The following CLEC16A variants were observed in gnomAD, a reference collection of about 807,000 sequenced individuals.
CLEC16A encodes the protein C-type lectin domain containing 16A, also known as protein CLEC16A.
In CLEC16A, 51 loss-of-function variants were observed where a neutral mutation model predicts 109.5. That is an observed-to-expected ratio of 0.47 (90% confidence interval 0.37 to 0.59). CLEC16A has a LOEUF of 0.59. Among genes scored for constraint, CLEC16A ranks in the 20% least tolerant of loss-of-function variants. The probability of loss-of-function intolerance (pLI) is 0.00; values close to 1 mark genes in which losing one functional copy is unlikely to be tolerated. For missense variants in CLEC16A, 1,339 were observed against 1,394.0 expected, an observed-to-expected ratio of 0.96 and a Z score of 0.63; for synonymous variants, 673 against 564.2, an observed-to-expected ratio of 1.19 and a Z score of -2.73.
chr16:11,165,474 A>G (rs1010780518), intron 22 of CLEC16A, among the ~76,000 whole-genome samples: 6 of 152,202 alleles, frequency 3.9e-5, no homozygotes, highest in Non-Finnish European at 7.3e-5. Context: ...GCTGGGCAAC[A>G]GAGTGAAACC....
At chr16:10,969,118 C>T in intron 3 of CLEC16A, 43 bp from the exon 4 acceptor site, 1 of 1,548,484 alleles carries the variant, frequency 6.5e-7, no homozygotes, top group South Asian at 1.1e-5. Context: ...GCTTATCTTT[C>T]CTCCAGCATG....
At chr16:10,965,476 A>G (rs2042456488) in intron 3 of CLEC16A, among the ~76,000 whole-genome samples, 1 of 152,134 alleles carries the variant, frequency 6.6e-6, no homozygotes, top group Non-Finnish European at 1.5e-5. Flanking sequence ...TCTTTTTCCC[A>G]CCTTCCCAGT....
At chr16:11,136,644 T>G (rs1171963528) in intron 22 of CLEC16A, among the ~76,000 whole-genome samples, 1 of 152,260 alleles carries the variant, frequency 6.6e-6, no homozygotes, top group African/African-American at 2.4e-5. Flanking sequence ...ACAAAGACTT[T>G]CCCTGGGCGT....
chr16:11,120,598 C>A lies in CLEC16A; in HGVS notation c.2117-17C>A. ...GCCAGACTGTGCCTCATTCTCTTCTCACCTTCCTCCTCCCAGATAACAGCG... is the reference window on the plus strand; with the variant it reads ...GCCAGACTGTGCCTCATTCTCTTCTAACCTTCCTCCTCCCAGATAACAGCG... On this transcript the variant is annotated splice_polypyrimidine_tract_variant and intron_variant, in intron 19 of 23. Coordinates refer to ENST00000409790, the MANE Select transcript of CLEC16A (RefSeq NM_015226.3). 6.2e-7 allele frequency: 1 copy of A among 1,600,522 alleles called. No individual in the cohort carries two copies. The highest frequency in any genetic ancestry group is 1.7e-5 in the Admixed American group (1 of 59,206).
At chr16:11,176,707 C>G (rs753801003) in intron 23 of CLEC16A, among the ~76,000 whole-genome samples, 2 of 152,152 alleles carry the variant, frequency 1.3e-5, no homozygotes, top group Non-Finnish European at 2.9e-5. Flanking sequence ...CACTGCACTC[C>G]AGCCTGGGTG....
chr16:11,120,496 T>C, intron 19 of CLEC16A, 119 bp from the exon 20 acceptor site: 3 of 1,087,214 alleles, frequency 2.8e-6, no homozygotes, highest in Non-Finnish European at 2.5e-6. Context: ...TGTGTGACTC[T>C]AGGCCTGGGC....
At chr16:11,085,767 T>C (rs2049976129) in intron 19 of CLEC16A, among the ~76,000 whole-genome samples, 1 of 152,194 alleles carries the variant, frequency 6.6e-6, no homozygotes, top group African/African-American at 2.4e-5. Flanking sequence ...CATTTTTGTA[T>C]TTTTTGTAGA....
chr16:11,011,054 G>A (rs2045381060), intron 11 of CLEC16A, among the ~76,000 whole-genome samples: 2 of 152,170 alleles, frequency 1.3e-5, no homozygotes. Flanking sequence ...GTTCGTTTTG[G>A]TCACATGACT....
At chr16:10,966,993 G>A (rs2042542623) in intron 3 of CLEC16A, among the ~76,000 whole-genome samples, 1 of 152,162 alleles carries the variant, frequency 6.6e-6, no homozygotes, top group African/African-American at 2.4e-5. Context: ...AGATTCCTAA[G>A]ATTCTGCCTT....
At chr16:10,990,244 T>C (rs775830156) in intron 10 of CLEC16A, among the ~76,000 whole-genome samples, 1 of 152,238 alleles carries the variant, frequency 6.6e-6, no homozygotes, top group Non-Finnish European at 1.5e-5. Context: ...TCACTGCAGT[T>C]ACGGCTCTGA....
At chr16:11,017,961 GAGTTT>G (rs1376536971) in intron 11 of CLEC16A, among the ~76,000 whole-genome samples, 31 of 148,628 alleles carry the variant, frequency 2.1e-4, no homozygotes, top group Admixed American at 2.1e-3. Context: ...CCAAAGTGTA[GAGTTT>G]AGTTTAGTTA....
intron 20 of CLEC16A, among the ~76,000 whole-genome samples, chr16:11,121,545 T>C (rs1280169327): frequency 6.6e-6 from 1 of 152,034 alleles, no homozygotes. Context: ...AGCTGGGGCT[T>C]GGGTTTTGGG....
At chr16:11,024,646 G>T in intron 12 of CLEC16A, 175 bp from the exon 13 acceptor site, 3 of 552,118 alleles carry the variant, frequency 5.4e-6, no homozygotes. Context: ...GGCTTCCGCA[G>T]GCAGAGCCTG....
chr16:10,955,834 C>A (rs977838950), intron 1 of CLEC16A, among the ~76,000 whole-genome samples: 1 of 152,170 alleles, frequency 6.6e-6, no homozygotes, highest in African/African-American at 2.4e-5. Context: ...GAGAGTGTCA[C>A]TGATGGCCAC....
At chr16:11,087,654 C>T (rs577064544) in intron 19 of CLEC16A, among the ~76,000 whole-genome samples, 2 of 152,226 alleles carry the variant, frequency 1.3e-5, no homozygotes, top group Non-Finnish European at 2.9e-5. Context: ...TCTGCCTCAC[C>T]AACACTTCTT....
At chr16:11,056,600 A>C (rs1430695843) in intron 18 of CLEC16A, 1 of 152,226 alleles carries the variant, frequency 6.6e-6, no homozygotes, top group African/African-American at 2.4e-5. Flanking sequence ...ATTTGTCCCC[A>C]CATTGTTTCC....
At chr16:11,025,868 G>A (rs1311063683) in intron 13 of CLEC16A, among the ~76,000 whole-genome samples, 1 of 152,160 alleles carries the variant, frequency 6.6e-6, no homozygotes, top group East Asian at 1.9e-4. Context: ...GGCAGTTCCT[G>A]CTACCGGTTT....
At chr16:11,145,988 A>C (rs2054038201) in intron 22 of CLEC16A, among the ~76,000 whole-genome samples, 1 of 152,130 alleles carries the variant, frequency 6.6e-6, no homozygotes, top group African/African-American at 2.4e-5. Context: ...ACTTCAAGGC[A>C]ACTTAAGGGG....
intron 19 of CLEC16A, among the ~76,000 whole-genome samples, chr16:11,077,971 G>C (rs947328177): frequency 1.8e-4 from 22 of 119,498 alleles, no homozygotes; most frequent in African/African-American, 8.1e-4. Context: ...AAACGTGTGT[G>C]TGTGTGTGTG....
Sources: allele counts gnomAD v4.1 joint callset (sites outside exome capture counted in the v4.1 genomes callset), GRCh38; gene constraint gnomAD v4.1.1; transcripts MANE v1.5; gene names NCBI Gene and HGNC (gene_info 2026-07-23, HGNC 2026-07-21).